SLC35F3: variants seen among roughly 807,000 people sequenced by gnomAD.
The protein encoded by SLC35F3 is putative thiamine transporter SLC35F3.
In SLC35F3, 25 loss-of-function variants were observed where a neutral mutation model predicts 49.9. The observed-to-expected ratio is 0.50, with a 90% CI of 0.37 to 0.70. The LOEUF (loss-of-function observed/expected upper bound fraction) is 0.70, where lower values mean the gene tolerates loss of function less well. Among genes scored for constraint, SLC35F3 ranks in the 30% least tolerant of loss-of-function variants. SLC35F3 has a pLI of 0.00. For synonymous variants in SLC35F3, 275 were observed against 265.4 expected (o/e 1.04, Z -0.35); for missense variants, 525 against 639.8 (o/e 0.82, Z 1.94).
At chr1:233,942,199 G>A (rs1373430674) in intron 2 of SLC35F3, among the ~76,000 whole-genome samples, 1 of 151,918 alleles carries the variant, frequency 6.6e-6, no homozygotes, top group Non-Finnish European at 1.5e-5. Context: ...CTGACCTTGT[G>A]AGCCGCCCGC....
At chr1:234,159,405 C>G (rs1045087752) in intron 2 of SLC35F3, among the ~76,000 whole-genome samples, 1 of 151,874 alleles carries the variant, frequency 6.6e-6, no homozygotes, top group Non-Finnish European at 1.5e-5. Flanking sequence ...GGTGAAACGC[C>G]GTCTCTACCA....
chr1:234,300,640 G>C (rs1218808853), intron 3 of SLC35F3, among the ~76,000 whole-genome samples: 1 of 152,232 alleles, frequency 6.6e-6, no homozygotes, highest in Non-Finnish European at 1.5e-5. Flanking sequence ...TGATGAGGAA[G>C]ACAGGGCATT....
rs182659991 is a variant in SLC35F3, at chr1:234,230,181, C to T, written c.284-1236C>T. Reference sequence around the variant, plus strand: ...CTCTTTGACTAACCATGTAATGCTTCGGTTTATCTTTGGCTAAAACAGATA... The same window carrying T: ...CTCTTTGACTAACCATGTAATGCTTTGGTTTATCTTTGGCTAAAACAGATA... On this transcript the variant is annotated intron_variant, in intron 2 of 7. Transcript: ENST00000366618. Among the ~76,000 whole-genome samples, 7 of 152,328 alleles carry T rather than the reference C, an allele frequency of 4.6e-5. No individual in the cohort carries two copies. The East Asian group carries it at 7.7e-4, about 17-fold the overall frequency.
chr1:234,315,721 C>A (rs1203300405), intron 4 of SLC35F3, among the ~76,000 whole-genome samples: 1 of 152,188 alleles, frequency 6.6e-6, no homozygotes, highest in Non-Finnish European at 1.5e-5. Context: ...GGAGTGGAAA[C>A]TTCTGCACAC....
In SLC35F3 at chr1:233,956,635, A is replaced by G. The variant is rs141517793; in HGVS notation, c.283+50877A>G. Reference sequence around the variant, plus strand: ...GCAGAGCAGAGGGAAAGAGGGCAACAGGGGAGCAGCCTGCCAGCTGCCTTT... The same window carrying G: ...GCAGAGCAGAGGGAAAGAGGGCAACGGGGGAGCAGCCTGCCAGCTGCCTTT... On this transcript the variant is annotated intron_variant, in intron 2 of 7. Coordinates refer to ENST00000366618, the MANE Select transcript of SLC35F3 (RefSeq NM_173508.4). Among the ~76,000 whole-genome samples, 433 of 152,226 alleles carry G rather than the reference A, an allele frequency of 2.8e-3. 6 individuals carry two copies. The East Asian group carries it at 0.031, about 11-fold the overall frequency.
intron 7 of SLC35F3, among the ~76,000 whole-genome samples, 181 bp from the exon 8 acceptor site, chr1:234,322,827 G>C (rs763963437): frequency 1.3e-5 from 2 of 152,094 alleles, no homozygotes; most frequent in Non-Finnish European, 2.9e-5. Flanking sequence ...TAAAGTTAAG[G>C]GTTGTTTACT....
At chr1:234,185,555 C>T (rs79245136) in intron 2 of SLC35F3, among the ~76,000 whole-genome samples, 3,417 of 152,278 alleles carry the variant, frequency 0.022, 58 homozygotes, top group Admixed American at 0.031. Context: ...CCTTGGCTAG[C>T]CTGCCTTCAC....
At chr1:234,092,179 T>A (rs1665052625) in intron 2 of SLC35F3, among the ~76,000 whole-genome samples, 1 of 152,244 alleles carries the variant, frequency 6.6e-6, no homozygotes, top group African/African-American at 2.4e-5. Flanking sequence ...TCCAAAAACA[T>A]TCTGCCAGGT....
chr1:234,221,351 G>A (rs1392791958), intron 2 of SLC35F3, among the ~76,000 whole-genome samples: 1 of 152,198 alleles, frequency 6.6e-6, no homozygotes, highest in Non-Finnish European at 1.5e-5. Flanking sequence ...GATGATTGAT[G>A]CAACAATTAA....
chr1:234,136,199 T>C (rs750584690), intron 2 of SLC35F3, among the ~76,000 whole-genome samples: 11 of 151,946 alleles, frequency 7.2e-5, no homozygotes, highest in Non-Finnish European at 1.5e-4. Flanking sequence ...TTCCCTCCTT[T>C]ATTTTCTTCT....
intron 2 of SLC35F3, among the ~76,000 whole-genome samples, chr1:233,917,597 C>A (rs75005794): frequency 0.025 from 3,799 of 152,246 alleles, 147 homozygotes; most frequent in African/African-American, 0.086. Context: ...AGACATTTTT[C>A]TTCCTCTAGC....
At chr1:234,268,147 C>T (rs1668028108) in intron 3 of SLC35F3, among the ~76,000 whole-genome samples, 1 of 152,124 alleles carries the variant, frequency 6.6e-6, no homozygotes. Flanking sequence ...CACGCCACTG[C>T]ACTCCAGCCT....
chr1:233,909,429 A>G (rs1053118374), intron 2 of SLC35F3, among the ~76,000 whole-genome samples: 1 of 152,220 alleles, frequency 6.6e-6, no homozygotes, highest in Non-Finnish European at 1.5e-5. Flanking sequence ...ATATTTGTTG[A>G]ATGAATGGAT....
At chr1:233,953,865 T>A (rs911345210) in intron 2 of SLC35F3, among the ~76,000 whole-genome samples, 6 of 152,154 alleles carry the variant, frequency 3.9e-5, no homozygotes, top group Non-Finnish European at 7.3e-5. Context: ...AAAAGAAATG[T>A]GTAGACCATG....
chr1:234,195,601 C>T (rs956222102), intron 2 of SLC35F3, among the ~76,000 whole-genome samples: 11 of 152,082 alleles, frequency 7.2e-5, no homozygotes, highest in African/African-American at 2.7e-4. Context: ...CTTTAGGTTT[C>T]GGTCCAATTT....
chr1:234,317,632 T>C (rs1284917155), intron 5 of SLC35F3, among the ~76,000 whole-genome samples: 3 of 152,042 alleles, frequency 2.0e-5, no homozygotes. Context: ...TTTGGGAAAA[T>C]GAAATAACTC....
At chr1:234,061,045 T>G (rs1220956627) in intron 2 of SLC35F3, among the ~76,000 whole-genome samples, 1 of 152,230 alleles carries the variant, frequency 6.6e-6, no homozygotes, top group African/African-American at 2.4e-5. Flanking sequence ...TAATTACTTT[T>G]AATGGCTTTT....
At chr1:234,237,265 G>A (rs750531771) in intron 3 of SLC35F3, among the ~76,000 whole-genome samples, 1 of 152,028 alleles carries the variant, frequency 6.6e-6, no homozygotes, top group Non-Finnish European at 1.5e-5. Context: ...TTTGTTGGGG[G>A]ACAGGATGCC....
rs1667379389 is a variant in SLC35F3, at chr1:234,231,680, T to C, written c.547T>C (p.Leu183=). 4.3e-6 allele frequency: 7 copies of C among 1,614,138 alleles called. No homozygotes were observed. The East Asian group carries it at 1.6e-4, about 36-fold the overall frequency. Reference sequence around the variant, plus strand: ...CAACTGGAACTTTTTATTCTTCCCGTTGTACTACGTGGGGCACGTCTGCAA... The same window carrying C: ...CAACTGGAACTTTTTATTCTTCCCGCTGTACTACGTGGGGCACGTCTGCAA... The part of the protein sequence containing the change: ...ATNWNFLFFP[L]YYVGHVCKST... Residue 183 remains leucine, a synonymous_variant, in exon 3 of 8, where the codon TTG becomes CTG. Transcript: ENST00000366618. This position sits in a 1 kb window ranked among gnomAD's most constrained non-coding sequence, Gnocchi z 5.4.
Sources: gnomAD v4.1 joint callset for allele counts (sites outside exome capture counted in the v4.1 genomes callset) on GRCh38, gnomAD v4.1.1 for gene constraint, Gnocchi (gnomAD v3.1) non-coding constraint, MANE v1.5 for transcripts, NCBI Gene and HGNC (gene_info 2026-07-23, HGNC 2026-07-21) for gene names.